The following PTPRK variants were observed in gnomAD, a reference collection of about 807,000 sequenced individuals.
PTPRK encodes protein tyrosine phosphatase receptor type K, also known as receptor-type tyrosine-protein phosphatase kappa.
A neutral mutation model predicts 178.0 loss-of-function variants in PTPRK; 75 were observed. That is an observed-to-expected ratio of 0.42 (90% CI 0.35 to 0.51). PTPRK has a LOEUF of 0.51. Among genes scored for constraint, PTPRK ranks in the 20% least tolerant of loss-of-function variants. The pLI is 0.02. For missense variants in PTPRK, 1,441 were observed against 1,797.8 expected (o/e 0.80, Z 3.59); for synonymous variants, 637 against 620.6 (o/e 1.03, Z -0.39).
At chr6:128,274,214 A>G (rs1820368871) in intron 3 of PTPRK, among the ~76,000 whole-genome samples, 1 of 152,166 alleles carries the variant, frequency 6.6e-6, no homozygotes, top group Non-Finnish European at 1.5e-5. Context: ...ATAACACTAA[A>G]TTATTGTTGC....
At chr6:128,100,007 G>C (rs1277786461) in intron 7 of PTPRK, among the ~76,000 whole-genome samples, 4 of 151,890 alleles carry the variant, frequency 2.6e-5, no homozygotes, top group Admixed American at 2.6e-4. Flanking sequence ...TATAAGGTGT[G>C]ACCTCTTTAT....
intron 5 of PTPRK, among the ~76,000 whole-genome samples, chr6:128,234,860 C>A (rs926050131): frequency 2.6e-5 from 4 of 152,168 alleles, no homozygotes; most frequent in Non-Finnish European, 4.4e-5. Context: ...ACTGCTACAC[C>A]ATATGTTCAT....
In PTPRK at chr6:128,001,141, C is replaced by T. The variant is rs538691950; in HGVS notation, c.2495-2237G>A. On this transcript the variant is annotated intron_variant, in intron 15 of 29. Coordinates refer to ENST00000368226, the MANE Select transcript of PTPRK (RefSeq NM_002844.4). Reference sequence around the variant, plus strand: ...CTTATTATACATTTAAGAATAATAACTTGAAATATATCCTTGATTGAAAGG... The same window carrying T: ...CTTATTATACATTTAAGAATAATAATTTGAAATATATCCTTGATTGAAAGG... 4 of 1,356,704 alleles carry T rather than the reference C, an allele frequency of 2.9e-6. No individual in the cohort carries two copies. In the African/African-American group the frequency reaches 5.9e-5, roughly 20 times the overall value. The allele number at this position is 1,356,704 out of a possible 1,614,324, so 84.0% of individuals were successfully genotyped here. A position where few individuals can be genotyped will look rare whatever the true frequency, so the allele number is the denominator to read the frequency against.
intron 3 of PTPRK, among the ~76,000 whole-genome samples, chr6:128,304,139 C>T (rs1212326531): frequency 6.6e-6 from 1 of 152,206 alleles, no homozygotes; most frequent in Admixed American, 6.5e-5. Context: ...CTCTTCACTG[C>T]TAAGCTGGGG....
chr6:128,020,808 A>G (rs1328869194), intron 13 of PTPRK, among the ~76,000 whole-genome samples: 1 of 152,098 alleles, frequency 6.6e-6, no homozygotes, highest in East Asian at 1.9e-4. Context: ...GTTTTTTGGG[A>G]TGCTTTTAGT....
intron 2 of PTPRK, among the ~76,000 whole-genome samples, chr6:128,365,868 A>G (rs2128344922): frequency 2.0e-5 from 3 of 152,228 alleles, no homozygotes; most frequent in Admixed American, 2.0e-4. Context: ...ATTCTTGACT[A>G]TTCTTATTAA....
chr6:128,472,424 C>CCG (rs1330964909), intron 1 of PTPRK, among the ~76,000 whole-genome samples: 1 of 147,698 alleles, frequency 6.8e-6, no homozygotes, highest in East Asian at 2.1e-4. Context: ...TTTGACACCC[C>CCG]CCCCCCCTTT....
Position 128,111,296 on chromosome 6 carries a change from A to C in PTPRK, c.1163-21304T>G, listed in dbSNP as rs532559580. Among the ~76,000 whole-genome samples the C allele has an allele frequency of 2.8e-4, 43 of 152,308 alleles. 1 individual carries two copies. Among genetic ancestry groups the C allele is most frequent in the Admixed American group, 2.7e-3 (41 of 15,298 alleles). ...TGACAGTTTGCCAAAAGTACTTTCC[A>C]GTAAAACATCTCTTCACTATTTCTG... On this transcript the variant is annotated intron_variant, in intron 7 of 29. Coordinates refer to ENST00000368226, the MANE Select transcript of PTPRK (RefSeq NM_002844.4).
intron 7 of PTPRK, among the ~76,000 whole-genome samples, chr6:128,167,478 T>C (rs936069034): frequency 6.6e-6 from 1 of 151,998 alleles, no homozygotes; most frequent in Non-Finnish European, 1.5e-5. Flanking sequence ...ATCAACTTTG[T>C]AAAATGTCAA....
At chr6:128,243,418 C>T (rs1814827985) in intron 3 of PTPRK, among the ~76,000 whole-genome samples, 1 of 138,580 alleles carries the variant, frequency 7.2e-6, no homozygotes, top group South Asian at 2.4e-4. Context: ...CTTTGGGAGG[C>T]TGAGGCAGGA....
chr6:128,173,137 C>G (rs1800553156), intron 7 of PTPRK, among the ~76,000 whole-genome samples: 1 of 152,034 alleles, frequency 6.6e-6, no homozygotes. Context: ...TAGCATAATG[C>G]TCTGAGCTAC....
intron 7 of PTPRK, among the ~76,000 whole-genome samples, chr6:128,093,539 G>A (rs1225918588): frequency 1.6e-5 from 2 of 126,924 alleles, no homozygotes; most frequent in African/African-American, 6.1e-5. Context: ...AGTTTGCAGT[G>A]AGCCGAGATC....
chr6:128,469,252 T>C (rs1035090264), intron 1 of PTPRK, among the ~76,000 whole-genome samples: 1 of 152,210 alleles, frequency 6.6e-6, no homozygotes, highest in Non-Finnish European at 1.5e-5. Flanking sequence ...TGTACTTAGC[T>C]GTAGATGTAT....
chr6:127,981,064 A>C lies in PTPRK; in HGVS notation c.3711+52T>G, dbSNP rs897590593. On this transcript the variant is annotated intron_variant, in intron 25 of 29. Transcript: ENST00000368226. The stretch of plus-strand genomic sequence containing the variant: ...AGAAAACTAGCCAGTGTTCAGTTGC[A>C]TTATGTAGCTTTCCACAACACTCTA... The C allele has an allele frequency of 2.7e-6, 4 of 1,495,446 alleles. No individual in the cohort carries two copies. The African/African-American group carries it at 5.6e-5, about 21-fold the overall frequency. The allele number at this position is 1,495,446 out of a possible 1,614,324, so 92.6% of individuals were successfully genotyped here. A position where few individuals can be genotyped will look rare whatever the true frequency, so the allele number is the denominator to read the frequency against.
At chr6:128,075,075 A>G (rs1783543016) in intron 11 of PTPRK, among the ~76,000 whole-genome samples, 1 of 151,982 alleles carries the variant, frequency 6.6e-6, no homozygotes, top group African/African-American at 2.4e-5. Context: ...ATCTTCTCTC[A>G]CCTAAAGTCT....
At chr6:128,212,286 C>T (rs1159722143) in intron 6 of PTPRK, among the ~76,000 whole-genome samples, 2 of 151,790 alleles carry the variant, frequency 1.3e-5, no homozygotes, top group African/African-American at 4.8e-5. Context: ...TATGCACTTG[C>T]CTATTACCTC....
rs1294995840 is a variant in PTPRK at position 128,263,680 on chromosome 6, T to C, written c.496-21078A>G. ...CTTACATAATATAATTAGTAATGAT[T>C]GTGTTAACAACAAGATCACAACTTC... On this transcript the variant is annotated intron_variant, in intron 3 of 29. Transcript: ENST00000368226. Among the ~76,000 whole-genome samples, 3 of 152,310 alleles carry C rather than the reference T, an allele frequency of 2.0e-5. No homozygotes were observed. The East Asian group carries it at 5.8e-4, about 29-fold the overall frequency.
intron 11 of PTPRK, among the ~76,000 whole-genome samples, chr6:128,069,126 G>A (rs983272470): frequency 6.6e-6 from 1 of 152,022 alleles, no homozygotes; most frequent in African/African-American, 2.4e-5. Flanking sequence ...AAAAGAAAGA[G>A]TTAAATCATA....
intron 1 of PTPRK, among the ~76,000 whole-genome samples, chr6:128,506,520 T>A (rs1390414819): frequency 6.6e-6 from 1 of 151,738 alleles, no homozygotes; most frequent in East Asian, 1.9e-4. Context: ...ATTAGCCAGG[T>A]ATGGTGGCGC....
Sources: gnomAD v4.1 joint callset for allele counts (sites outside exome capture counted in the v4.1 genomes callset) on GRCh38, gnomAD v4.1.1 for gene constraint, MANE v1.5 for transcripts, NCBI Gene and HGNC (gene_info 2026-07-23, HGNC 2026-07-21) for gene names.